Variants in C10orf67 observed in about 807,000 individuals in gnomAD.
The protein encoded by C10orf67 is chromosome 10 open reading frame 67.
C10orf67 carries 60 observed loss-of-function variants against 35.6 expected under a neutral mutation model. That is an observed-to-expected ratio of 1.68 (90% CI 1.37 to 2.09). The LOEUF is 2.09. Ranked by LOEUF, C10orf67 falls within the 30% of genes most tolerant of loss-of-function variation. C10orf67 has a pLI of 0.00. For synonymous variants in C10orf67, 167 were observed against 115.8 expected, an observed-to-expected ratio of 1.44 and a Z score of -2.84; for missense variants, 474 against 330.2, an observed-to-expected ratio of 1.44 and a Z score of -3.38.
intron 5 of C10orf67, among the ~76,000 whole-genome samples, chr10:23,293,956 G>A (rs772269945): frequency 6.6e-6 from 1 of 152,176 alleles, no homozygotes; most frequent in Non-Finnish European, 1.5e-5. Flanking sequence ...TGCATCTAAC[G>A]AGATCTGCAG....
chr10:23,213,653 A>T (rs752601225), intron 15 of C10orf67, among the ~76,000 whole-genome samples: 1 of 152,212 alleles, frequency 6.6e-6, no homozygotes, highest in African/African-American at 2.4e-5. Context: ...ACTTCTAAAC[A>T]TACACATATA....
chr10:23,313,987 C>A (rs567252598), intron 4 of C10orf67, among the ~76,000 whole-genome samples: 1 of 127,466 alleles, frequency 7.8e-6, no homozygotes, highest in South Asian at 2.5e-4. Context: ...ACTATCGAAA[C>A]TAGTTCAGAG....
chr10:23,204,596 A>T (rs1273081692), intron 15 of C10orf67, among the ~76,000 whole-genome samples: 1 of 152,180 alleles, frequency 6.6e-6, no homozygotes, highest in Non-Finnish European at 1.5e-5. Context: ...GTAGCAGAAT[A>T]AAAAAAGTGG....
At chr10:23,282,897 G>A (rs976871649) in intron 7 of C10orf67, among the ~76,000 whole-genome samples, 3 of 151,856 alleles carry the variant, frequency 2.0e-5, no homozygotes, top group African/African-American at 4.8e-5. Flanking sequence ...GAGAGAAGAC[G>A]GATGGTTACC....
At chr10:23,253,927 G>A (rs1266135453) in intron 10 of C10orf67, among the ~76,000 whole-genome samples, 1 of 152,084 alleles carries the variant, frequency 6.6e-6, no homozygotes, top group Non-Finnish European at 1.5e-5. Context: ...TCCAGTTCGA[G>A]TTGAACTTTC....
Position 23,307,738 on chromosome 10 carries a change from T to G in C10orf67, c.547-4279A>C, listed in dbSNP as rs186800459. On this transcript the variant is annotated intron_variant, in intron 4 of 15. Transcript: ENST00000636213. The stretch of plus-strand genomic sequence containing the variant: ...TCCCACCTCTGCCTCCACCTCTGCC[T>G]CCAAAGTAGCTGAGACTTCAGGCAC... Among the ~76,000 whole-genome samples the G allele has an allele frequency of 2.8e-3, 423 of 151,464 alleles. 6 individuals are homozygous for G. Among genetic ancestry groups the G allele is most frequent in the African/African-American group, 9.8e-3 (403 of 41,332 alleles).
chr10:23,247,652 A>G (rs1016332590), intron 12 of C10orf67, among the ~76,000 whole-genome samples: 15 of 152,240 alleles, frequency 9.9e-5, no homozygotes, highest in Non-Finnish European at 1.9e-4. Flanking sequence ...ATTCAATGAA[A>G]TGAGAAAATT....
rs61847288 is a variant in C10orf67 at position 23,280,802 on chromosome 10, T to C, written c.975+1211A>G. 5.8e-3 allele frequency among the ~76,000 whole-genome samples: 885 copies of C among 152,360 alleles called. 3 individuals are homozygous for C. Among genetic ancestry groups the C allele is most frequent in the Non-Finnish European group, 9.3e-3 (636 of 68,030 alleles). ...AAGAGTATGGGATCTGCTCCTAGTATAGGCACAAATTCACTGATTGAGTAG... is the reference window on the plus strand; with the variant it reads ...AAGAGTATGGGATCTGCTCCTAGTACAGGCACAAATTCACTGATTGAGTAG... On this transcript the variant is annotated intron_variant, in intron 8 of 15. Coordinates refer to ENST00000636213, the MANE Select transcript of C10orf67 (RefSeq NM_001371909.1).
chr10:23,321,540 T>A (rs1283922723), intron 3 of C10orf67, among the ~76,000 whole-genome samples: 1 of 152,208 alleles, frequency 6.6e-6, no homozygotes, highest in Non-Finnish European at 1.5e-5. Context: ...TCAGATGGTA[T>A]TGAATTTAAA....
chr10:23,305,067 C>A (rs1844224538), intron 4 of C10orf67, among the ~76,000 whole-genome samples: 1 of 152,162 alleles, frequency 6.6e-6, no homozygotes, highest in Non-Finnish European at 1.5e-5. Flanking sequence ...CCTACCAAAA[C>A]CAGTCTGTAA....
intron 15 of C10orf67, among the ~76,000 whole-genome samples, chr10:23,205,465 T>C (rs1050122623): frequency 6.6e-6 from 1 of 152,224 alleles, no homozygotes; most frequent in Admixed American, 6.5e-5. Context: ...TGAAATTTCT[T>C]TTTATAAAAC....
At chr10:23,243,369 C>G (rs956250607) in intron 12 of C10orf67, among the ~76,000 whole-genome samples, 3 of 152,082 alleles carry the variant, frequency 2.0e-5, no homozygotes, top group Admixed American at 6.6e-5. Context: ...ATTTAGAACT[C>G]TTCACCCATC....
intron 10 of C10orf67, among the ~76,000 whole-genome samples, chr10:23,264,345 A>G (rs1414717542): frequency 6.6e-6 from 1 of 152,194 alleles, no homozygotes; most frequent in Non-Finnish European, 1.5e-5. Flanking sequence ...GAGCCAATTC[A>G]TAGAAATATG....
intron 4 of C10orf67, 123 bp downstream of exon 4, chr10:23,320,618 T>C (rs1844910516): frequency 1.5e-6 from 1 of 680,372 alleles, no homozygotes; most frequent in Admixed American, 2.6e-5. Flanking sequence ...GACCTGAAAA[T>C]CGAGGAAACA....
At chr10:23,245,644 C>T (rs1453018558) in intron 12 of C10orf67, among the ~76,000 whole-genome samples, 2 of 152,066 alleles carry the variant, frequency 1.3e-5, no homozygotes, top group African/African-American at 4.8e-5. Flanking sequence ...AAATCAAAAC[C>T]ACAATAAGAT....
intron 1 of C10orf67, among the ~76,000 whole-genome samples, chr10:23,343,558 C>G (rs1253732216): frequency 6.6e-6 from 1 of 152,186 alleles, no homozygotes; most frequent in African/African-American, 2.4e-5. Flanking sequence ...TTAATATTCA[C>G]TATGATCTAT....
intron 12 of C10orf67, among the ~76,000 whole-genome samples, chr10:23,245,119 T>C (rs1004369703): frequency 2.6e-5 from 4 of 152,190 alleles, no homozygotes; most frequent in Admixed American, 1.3e-4. Context: ...AAGGATAGTC[T>C]CTTCAATAAA....
chr10:23,215,784 G>C (rs961808728), intron 15 of C10orf67, among the ~76,000 whole-genome samples: 2 of 151,910 alleles, frequency 1.3e-5, no homozygotes, highest in African/African-American at 2.4e-5. Flanking sequence ...AAGAAATATA[G>C]GTATAATTTA....
chr10:23,214,273 A>G (rs1000217573), intron 15 of C10orf67, among the ~76,000 whole-genome samples: 1 of 152,168 alleles, frequency 6.6e-6, no homozygotes, highest in Admixed American at 6.5e-5. Flanking sequence ...GCATACAATA[A>G]ATTAGAAGAA....
Sources: gnomAD v4.1 joint callset for allele counts (sites outside exome capture counted in the v4.1 genomes callset) on GRCh38, gnomAD v4.1.1 for gene constraint, MANE v1.5 for transcripts, NCBI Gene and HGNC (gene_info 2026-07-23, HGNC 2026-07-21) for gene names.